The following RAB39A variants were observed in gnomAD, a reference collection of about 807,000 sequenced individuals.
RAB39A encodes ras-related protein Rab-39A.
A neutral mutation model predicts 20.9 loss-of-function variants in RAB39A; 17 were observed. The ratio of observed to expected loss-of-function variants is 0.81; its 90% CI spans 0.56 to 1.22. The LOEUF (loss-of-function observed/expected upper bound fraction) is 1.22, where lower values mean the gene tolerates loss of function less well. Among genes scored for constraint, RAB39A ranks in the 50% most tolerant of loss-of-function variants. The pLI, the probability that RAB39A is intolerant of heterozygous loss-of-function variation, is 0.00. For synonymous variants in RAB39A, 99 were observed against 103.4 expected (o/e 0.96, Z 0.26); for missense variants, 234 against 270.5 (o/e 0.87, Z 0.95).
intron 1 of RAB39A, among the ~76,000 whole-genome samples, chr11:107,960,182 C>G (rs1861481002): frequency 1.3e-5 from 2 of 150,698 alleles, no homozygotes; most frequent in African/African-American, 2.5e-5. Context: ...TGCACTCCAG[C>G]CTGGGCGACA....
At chr11:107,960,301 G>A (rs1481653936) in intron 1 of RAB39A, among the ~76,000 whole-genome samples, 3 of 152,030 alleles carry the variant, frequency 2.0e-5, no homozygotes, top group Admixed American at 2.0e-4. Context: ...AATCCAGTCA[G>A]CATATCAAGA....
intron 1 of RAB39A, among the ~76,000 whole-genome samples, chr11:107,943,181 C>T (rs1289654998): frequency 1.3e-5 from 2 of 152,064 alleles, no homozygotes; most frequent in African/African-American, 4.8e-5. Flanking sequence ...AAGCTGGGCA[C>T]ATACTGAATG....
At chr11:107,940,625 C>T (rs1861249239) in intron 1 of RAB39A, among the ~76,000 whole-genome samples, 2 of 152,080 alleles carry the variant, frequency 1.3e-5, no homozygotes, top group Admixed American at 1.3e-4. Context: ...CTCTAAATGT[C>T]AGTAACTGTT....
At chr11:107,938,599 G>A (rs1024920896) in intron 1 of RAB39A, among the ~76,000 whole-genome samples, 9 of 148,108 alleles carry the variant, frequency 6.1e-5, no homozygotes, top group South Asian at 2.2e-4. Flanking sequence ...AGGTGGGCAT[G>A]GTGGAGTGCC....
intron 1 of RAB39A, among the ~76,000 whole-genome samples, chr11:107,929,847 A>G (rs1165495439): frequency 6.6e-6 from 1 of 152,156 alleles, no homozygotes; most frequent in Non-Finnish European, 1.5e-5. Context: ...AAACTGATGT[A>G]TTGTACTGTT....
Position 107,946,459 on chromosome 11 carries a change from TA to T in RAB39A, c.228-15486del, listed in dbSNP as rs71047655. 1.8e-3 allele frequency among the ~76,000 whole-genome samples: 58 copies of T among 32,288 alleles called. 1 individual carries two copies. Among genetic ancestry groups the T allele is most frequent in the African/African-American group, 2.6e-3 (29 of 11,112 alleles). The allele number at this position is 32,288 out of a possible 152,430, so 21.2% of individuals were successfully genotyped here. A position where few individuals can be genotyped will look rare whatever the true frequency, so the allele number is the denominator to read the frequency against. On this transcript the variant is annotated intron_variant, in intron 1 of 1. Transcript: ENST00000320578. ...GTGTATATATATATATATATATATA[TA>T]TTTTTTTTTTTTTTTTTTTTTTTTT...
intron 1 of RAB39A, among the ~76,000 whole-genome samples, chr11:107,944,022 G>A (rs1303305433): frequency 6.6e-6 from 1 of 151,828 alleles, no homozygotes; most frequent in African/African-American, 2.4e-5. Context: ...TTGAACTCAG[G>A]AGGCAGAGGT....
intron 1 of RAB39A, among the ~76,000 whole-genome samples, chr11:107,933,296 ATTCT>A (rs1356710275): frequency 7.7e-5 from 9 of 116,206 alleles, no homozygotes; most frequent in Admixed American, 2.6e-4. Context: ...CTTTCCTGTG[ATTCT>A]TTATATATAT....
At chr11:107,935,095 G>C (rs1448201657) in intron 1 of RAB39A, among the ~76,000 whole-genome samples, 1 of 152,086 alleles carries the variant, frequency 6.6e-6, no homozygotes, top group Non-Finnish European at 1.5e-5. Context: ...CTCCTTGCCA[G>C]GTGTCTTACT....
intron 1 of RAB39A, among the ~76,000 whole-genome samples, chr11:107,955,285 C>T (rs1468843092): frequency 1.3e-5 from 2 of 152,072 alleles, no homozygotes; most frequent in Admixed American, 1.3e-4. Flanking sequence ...GCATGAGCCA[C>T]TGCACGCGGC....
intron 1 of RAB39A, among the ~76,000 whole-genome samples, chr11:107,947,208 TCTC>T (rs965751389): frequency 6.6e-6 from 1 of 151,894 alleles, no homozygotes; most frequent in African/African-American, 2.4e-5. Context: ...TTCACACCAT[TCTC>T]CTGCCTCAGC....
Position 107,928,710 on chromosome 11 carries a change from G to A in RAB39A, c.142G>A (p.Asp48Asn). ...CGCCTGCGACCCCACCGTCGGCGTG[G>A]ACTTCTTCTCCCGCCTGCTGGAGAT... Reference protein sequence around the residue: ...SPACDPTVGVDFFSRLLEIEP... With the variant: ...SPACDPTVGVNFFSRLLEIEP... The change falls in exon 1 of 2, where the codon GAC (aspartate) becomes AAC (asparagine). Residue 48 changes from aspartate to asparagine, a missense_variant. Asp to Asn is a conservative substitution (Grantham distance 23, BLOSUM62 1). Transcript: ENST00000320578. This position sits in a 1 kb window ranked among gnomAD's most constrained non-coding sequence, Gnocchi z 4.9. The A allele has an allele frequency of 1.2e-6, 2 of 1,611,194 alleles. No homozygotes were observed. The highest frequency in any genetic ancestry group is 2.2e-5 in the South Asian group (2 of 90,670).
chr11:107,943,568 C>T (rs1861280729), intron 1 of RAB39A, among the ~76,000 whole-genome samples: 2 of 134,542 alleles, frequency 1.5e-5, no homozygotes, highest in Non-Finnish European at 3.1e-5. Flanking sequence ...GAGACTCCGT[C>T]TCAAAAAAAA....
chr11:107,932,205 T>A (rs984010169), intron 1 of RAB39A, among the ~76,000 whole-genome samples: 1 of 152,128 alleles, frequency 6.6e-6, no homozygotes, highest in Non-Finnish European at 1.5e-5. Flanking sequence ...TAATAGAGGC[T>A]AACTACTTGC....
intron 1 of RAB39A, among the ~76,000 whole-genome samples, chr11:107,930,567 G>A (rs1316724621): frequency 6.6e-6 from 1 of 152,144 alleles, no homozygotes. Flanking sequence ...CTTAAAAGTA[G>A]CTCAACTTGG....
intron 1 of RAB39A, among the ~76,000 whole-genome samples, chr11:107,943,077 C>T (rs1861275378): frequency 6.6e-6 from 1 of 152,188 alleles, no homozygotes; most frequent in African/African-American, 2.4e-5. Flanking sequence ...CACTGCTACA[C>T]TTAGTAACAG....
chr11:107,939,073 C>G (rs1182256324), intron 1 of RAB39A, among the ~76,000 whole-genome samples: 1 of 151,326 alleles, frequency 6.6e-6, no homozygotes, highest in Non-Finnish European at 1.5e-5. Context: ...GAAACCCCGT[C>G]CCTACTAAAA....
intron 1 of RAB39A, 124 bp from the exon 2 acceptor site, chr11:107,961,822 A>T: frequency 1.2e-6 from 1 of 813,720 alleles, no homozygotes; most frequent in Non-Finnish European, 1.9e-6. Context: ...CTCATATTTT[A>T]TTTATAAATT....
At chr11:107,931,061 C>G (rs1036923751) in intron 1 of RAB39A, among the ~76,000 whole-genome samples, 5 of 150,890 alleles carry the variant, frequency 3.3e-5, no homozygotes, top group African/African-American at 1.2e-4. Context: ...ACTGCAAACT[C>G]CGCCTCCCAG....
Sources: gnomAD v4.1 joint callset for allele counts (sites outside exome capture counted in the v4.1 genomes callset) on GRCh38, gnomAD v4.1.1 for gene constraint, Gnocchi (gnomAD v3.1) non-coding constraint, MANE v1.5 for transcripts, NCBI Gene and HGNC (gene_info 2026-07-23, HGNC 2026-07-21) for gene names.